CHLSN: variants seen among roughly 807,000 people sequenced by gnomAD.
CHLSN encodes the protein cholesin, also known as protein cholesin.
chr7:1,105,947 C>T, the CHLSN span, among the ~76,000 whole-genome samples: 134 of 152,238 alleles, frequency 8.8e-4, no homozygotes, highest in African/African-American at 3.0e-3. Context: ...GTCAGAAAGA[C>T]GCGTCCATAT....
At chr7:1,008,815 C>T in the CHLSN span, among the ~76,000 whole-genome samples, 4 of 115,688 alleles carry the variant, frequency 3.5e-5, no homozygotes, top group Admixed American at 8.5e-5. Flanking sequence ...CATGTACACA[C>T]GCACATATAC....
chr7:1,063,545 G>A, the CHLSN span, among the ~76,000 whole-genome samples: 9 of 152,236 alleles, frequency 5.9e-5, no homozygotes, highest in Non-Finnish European at 1.2e-4. Flanking sequence ...ACGAAGCGGC[G>A]CTGTTCTGCC....
the CHLSN span, among the ~76,000 whole-genome samples, chr7:1,082,909 G>A: frequency 3.9e-5 from 6 of 152,228 alleles, no homozygotes; most frequent in African/African-American, 7.2e-5. Context: ...GATGTCTTAC[G>A]TTCAAACAGA....
At chr7:1,117,556 G>A in the CHLSN span, among the ~76,000 whole-genome samples, 3 of 130,040 alleles carry the variant, frequency 2.3e-5, no homozygotes, top group East Asian at 2.3e-4. Context: ...CATCACCAAT[G>A]TCCACGCAGG....
chr7:997,683 T>A, the CHLSN span: 1 of 1,610,692 alleles, frequency 6.2e-7, no homozygotes, highest in South Asian at 1.1e-5. Flanking sequence ...CAGGGGGGGA[T>A]CAGAGCCCTC....
the CHLSN span, among the ~76,000 whole-genome samples, chr7:1,077,166 A>T: frequency 6.6e-6 from 1 of 151,808 alleles, no homozygotes; most frequent in Admixed American, 6.6e-5. Context: ...ATTTATTTTT[A>T]TTTTTTTGAG....
the CHLSN span, among the ~76,000 whole-genome samples, chr7:1,136,469 TATAA>T: frequency 1.0e-4 from 12 of 118,890 alleles, no homozygotes; most frequent in Non-Finnish European, 1.4e-4. Context: ...TATAAACATA[TATAA>T]ATATATAAAC....
At chr7:1,013,241 C>T in the CHLSN span, among the ~76,000 whole-genome samples, 2 of 152,224 alleles carry the variant, frequency 1.3e-5, no homozygotes, top group African/African-American at 4.8e-5. Flanking sequence ...CTCCAAAGAA[C>T]GCGGGTTTCA....
chr7:1,056,472 ACCCG>A, the CHLSN span: 1 of 151,514 alleles, frequency 6.6e-6, no homozygotes, highest in Non-Finnish European at 1.5e-5. Flanking sequence ...ACATCTACCC[ACCCG>A]CCCATCTGCC....
chr7:1,116,330 A>G, the CHLSN span, among the ~76,000 whole-genome samples: 29,635 of 127,780 alleles, frequency 0.23, 4,273 homozygotes, highest in African/African-American at 0.36. Flanking sequence ...TTCCATCACC[A>G]ACGCCCATGC....
the CHLSN span, among the ~76,000 whole-genome samples, chr7:1,114,503 C>A: frequency 6.6e-6 from 1 of 152,256 alleles, no homozygotes; most frequent in Admixed American, 6.5e-5. Context: ...CCCCGGCAGC[C>A]TCTGTGGGTA....
chr7:999,266 T>C, the CHLSN span, among the ~76,000 whole-genome samples: 1 of 152,224 alleles, frequency 6.6e-6, no homozygotes, highest in African/African-American at 2.4e-5. Flanking sequence ...CCTGGCTCTG[T>C]TAAGAAGAGG....
chr7:1,087,281 G>C, the CHLSN span: 1 of 152,360 alleles, frequency 6.6e-6, no homozygotes, highest in South Asian at 2.1e-4. Flanking sequence ...CGCGGGAGGA[G>C]GGACCTGAGG....
the CHLSN span, chr7:1,092,282 C>T: frequency 6.2e-7 from 1 of 1,611,944 alleles, no homozygotes. Context: ...TGGATGGCAT[C>T]CGTGTCAGCC....
At chr7:1,058,178 C>T in the CHLSN span, 1 of 740,418 alleles carries the variant, frequency 1.4e-6, no homozygotes. Context: ...CGCCCCTGGA[C>T]CGGGACACGG....
chr7:1,108,932 T>C, the CHLSN span, among the ~76,000 whole-genome samples: 2 of 149,400 alleles, frequency 1.3e-5, no homozygotes, highest in South Asian at 4.2e-4. Context: ...AGTCTCGCTC[T>C]GTCGCCCAGG....
chr7:1,136,873 CTT>C, the CHLSN span, among the ~76,000 whole-genome samples: 2 of 152,020 alleles, frequency 1.3e-5, no homozygotes, highest in Non-Finnish European at 2.9e-5. Context: ...TAAATCCTCT[CTT>C]TCTCACATAC....
the CHLSN span, among the ~76,000 whole-genome samples, chr7:1,022,535 G>A: frequency 1.3e-5 from 2 of 152,220 alleles, no homozygotes; most frequent in East Asian, 1.9e-4. Context: ...CCGTCGTGAG[G>A]GAACACGGGA....
the CHLSN span, among the ~76,000 whole-genome samples, chr7:1,083,442 G>T: frequency 6.6e-6 from 1 of 151,956 alleles, no homozygotes; most frequent in Non-Finnish European, 1.5e-5. Flanking sequence ...GGCTAACACA[G>T]TAAAACCCCA....
Sources: gnomAD v4.1 joint callset for allele counts (sites outside exome capture counted in the v4.1 genomes callset) on GRCh38, gnomAD v4.1.1 for gene constraint, MANE v1.5 for transcripts, NCBI Gene and HGNC (gene_info 2026-07-23, HGNC 2026-07-21) for gene names.